The following PPP3CA variants were observed in gnomAD, a reference collection of about 807,000 sequenced individuals.
PPP3CA encodes the protein CAM-PRP catalytic subunit.
In PPP3CA, 14 loss-of-function variants were observed where a neutral mutation model predicts 66.5. The observed-to-expected ratio is 0.21, with a 90% CI of 0.14 to 0.33. The LOEUF (loss-of-function observed/expected upper bound fraction) is 0.33. PPP3CA is among the 10% of genes least tolerant of loss of function. PPP3CA has a pLI of 1.00. For synonymous variants in PPP3CA, 232 were observed against 226.2 expected (o/e 1.03, Z -0.23); for missense variants, 317 against 639.5 (o/e 0.50, Z 5.44).
chr4:101,263,166 C>T (rs915472811), intron 1 of PPP3CA, among the ~76,000 whole-genome samples: 2 of 152,170 alleles, frequency 1.3e-5, no homozygotes, highest in African/African-American at 4.8e-5. Flanking sequence ...AGGACAAATA[C>T]ATGTCACTAG....
At chr4:101,227,711 C>T (rs1341133116) in intron 1 of PPP3CA, among the ~76,000 whole-genome samples, 2 of 151,644 alleles carry the variant, frequency 1.3e-5, no homozygotes, top group African/African-American at 4.8e-5. Flanking sequence ...TCAATCCTCA[C>T]CCTCCTCCCC....
rs1315477922 is a variant in PPP3CA, at chr4:101,346,934, C to G, written c.-138G>C. ...CAAACCGCTCGGCTGGAGGTCTAGG[C>G]TCTGAGCTGGCTTTAAAGTTGCTGC... is the stretch of plus-strand genomic sequence containing the variant. On this transcript the variant is annotated 5_prime_UTR_variant, in exon 1 of 14. Transcript: ENST00000394854. 1.0e-6 allele frequency: 1 copy of G among 1,004,952 alleles called. No homozygotes were observed. Among genetic ancestry groups the G allele is most frequent in the Non-Finnish European group, 1.5e-6 (1 of 671,848 alleles). The allele number at this position is 1,004,952 out of a possible 1,614,324, so 62.3% of individuals were successfully genotyped here. A position where few individuals can be genotyped will look rare whatever the true frequency, so the allele number is the denominator to read the frequency against.
chr4:101,133,458 G>C (rs1722515755), intron 2 of PPP3CA, among the ~76,000 whole-genome samples: 2 of 151,314 alleles, frequency 1.3e-5, no homozygotes, highest in Admixed American at 6.6e-5. Flanking sequence ...ACCAATAATA[G>C]ACAGAGAAAT....
intron 1 of PPP3CA, among the ~76,000 whole-genome samples, chr4:101,207,476 C>A (rs1342126228): frequency 1.3e-5 from 2 of 152,126 alleles, no homozygotes; most frequent in Non-Finnish European, 2.9e-5. Flanking sequence ...CAAAGTGAAT[C>A]CAAATCTTAC....
At chr4:101,145,867 T>C (rs1287290636) in intron 2 of PPP3CA, among the ~76,000 whole-genome samples, 2 of 152,082 alleles carry the variant, frequency 1.3e-5, no homozygotes, top group Non-Finnish European at 2.9e-5. Context: ...AAATTAAAGA[T>C]TCTGGCTTTA....
intron 2 of PPP3CA, among the ~76,000 whole-genome samples, chr4:101,165,795 C>A (rs2110310794): frequency 6.6e-6 from 1 of 152,158 alleles, no homozygotes; most frequent in East Asian, 1.9e-4. Context: ...CTGCCATTGG[C>A]TTTGTTGGTA....
intron 2 of PPP3CA, among the ~76,000 whole-genome samples, chr4:101,166,105 A>T (rs1723686631): frequency 6.6e-6 from 1 of 152,188 alleles, no homozygotes; most frequent in Admixed American, 6.6e-5. Context: ...AAAGTATTTT[A>T]GGATGAAACA....
intron 1 of PPP3CA, among the ~76,000 whole-genome samples, chr4:101,231,524 T>C (rs971752380): frequency 1.3e-5 from 2 of 151,756 alleles, no homozygotes; most frequent in African/African-American, 2.4e-5. Flanking sequence ...GCTTTTGTAA[T>C]GAGAGAATGT....
intron 2 of PPP3CA, among the ~76,000 whole-genome samples, chr4:101,122,690 G>T (rs1254556037): frequency 6.6e-6 from 1 of 152,136 alleles, no homozygotes; most frequent in Non-Finnish European, 1.5e-5. Flanking sequence ...CAAAAAACTG[G>T]ATTGAACAGA....
intron 12 of PPP3CA, among the ~76,000 whole-genome samples, chr4:101,031,478 T>A (rs1726956794): frequency 3.9e-5 from 6 of 152,204 alleles, no homozygotes; most frequent in Admixed American, 3.9e-4. Context: ...TATAGGACTG[T>A]GCTGCTAACA....
In PPP3CA at chr4:101,053,424, T is replaced by C. The variant is rs145278107; in HGVS notation, c.1156+7663A>G. ...TCTTGTGCTCTGTCATCACTCCTAT[T>C]TTCTCCTTCTTTCATCTCCAGCTTT... On this transcript the variant is annotated intron_variant, in intron 10 of 13. Coordinates refer to ENST00000394854, the MANE Select transcript of PPP3CA (RefSeq NM_000944.5). Among the ~76,000 whole-genome samples the C allele has an allele frequency of 2.2e-3, 330 of 152,182 alleles. 1 individual carries two copies. The highest frequency in any genetic ancestry group is 7.8e-3 in the African/African-American group (324 of 41,570).
intron 2 of PPP3CA, among the ~76,000 whole-genome samples, chr4:101,112,385 T>C (rs1317569414): frequency 3.9e-5 from 6 of 152,242 alleles, no homozygotes; most frequent in Non-Finnish European, 7.4e-5. Flanking sequence ...TTTGGCTTGA[T>C]GATATAAAAT....
chr4:101,281,296 G>C (rs1483728915), intron 1 of PPP3CA, among the ~76,000 whole-genome samples: 3 of 152,222 alleles, frequency 2.0e-5, no homozygotes, highest in Non-Finnish European at 4.4e-5. Context: ...TGCAGCAGTA[G>C]CTGGATAAGA....
chr4:101,222,740 TAATC>T (rs1468070941), intron 1 of PPP3CA, among the ~76,000 whole-genome samples: 1 of 151,708 alleles, frequency 6.6e-6, no homozygotes. Context: ...GATCTACTCT[TAATC>T]AATAAATACA....
intron 1 of PPP3CA, among the ~76,000 whole-genome samples, chr4:101,258,277 T>C (rs989358575): frequency 6.6e-6 from 1 of 152,038 alleles, no homozygotes; most frequent in Non-Finnish European, 1.5e-5. Context: ...TCCAAATGGA[T>C]TACCACTGAG....
At chr4:101,268,166 A>T (rs543951480) in intron 1 of PPP3CA, among the ~76,000 whole-genome samples, 7 of 152,130 alleles carry the variant, frequency 4.6e-5, no homozygotes, top group African/African-American at 1.7e-4. Context: ...AGAGAGATCC[A>T]CTCTCTAAAA....
At chr4:101,335,018 T>C (rs554420651) in intron 1 of PPP3CA, among the ~76,000 whole-genome samples, 1 of 152,254 alleles carries the variant, frequency 6.6e-6, no homozygotes, top group Admixed American at 6.5e-5. Flanking sequence ...CATCCCTTCA[T>C]GTCAGAATGC....
At chr4:101,173,231 T>C (rs1723941417) in intron 2 of PPP3CA, among the ~76,000 whole-genome samples, 1 of 152,132 alleles carries the variant, frequency 6.6e-6, no homozygotes, top group Admixed American at 6.6e-5. Context: ...GTAAGTGAAA[T>C]GTCCTATAAG....
At chr4:101,198,969 C>T (rs1724886313) in intron 1 of PPP3CA, among the ~76,000 whole-genome samples, 1 of 152,104 alleles carries the variant, frequency 6.6e-6, no homozygotes, top group Admixed American at 6.6e-5. Context: ...TGAGACGGGG[C>T]CCTTTACCAG....
Sources: gnomAD v4.1 joint callset for allele counts (sites outside exome capture counted in the v4.1 genomes callset) on GRCh38, gnomAD v4.1.1 for gene constraint, MANE v1.5 for transcripts, NCBI Gene and HGNC (gene_info 2026-07-23, HGNC 2026-07-21) for gene names.